The following SNX31 variants were observed in gnomAD, a reference collection of about 807,000 sequenced individuals.
SNX31 encodes the protein sorting nexin-31.
In SNX31, 58 loss-of-function variants were observed where a neutral mutation model predicts 65.4. The ratio of observed to expected loss-of-function variants is 0.89; its 90% confidence interval spans 0.72 to 1.10. The LOEUF (loss-of-function observed/expected upper bound fraction) is 1.10, where lower values mean the gene tolerates loss of function less well. Among genes scored for constraint, SNX31 ranks in the 50% least tolerant of loss-of-function variants. SNX31 has a pLI of 0.00. For synonymous variants in SNX31, 181 were observed against 190.1 expected (o/e 0.95, Z 0.39); for missense variants, 523 against 529.7 (o/e 0.99, Z 0.12).
chr8:100,649,572 C>A lies in SNX31; in HGVS notation c.-58G>T. The A allele has an allele frequency of 6.6e-7, 1 of 1,504,562 alleles. No homozygotes were observed. Among genetic ancestry groups the A allele is most frequent in the Non-Finnish European group, 9.0e-7 (1 of 1,108,808 alleles). 93.2% of individuals were successfully genotyped at this position (1,504,562 alleles called of 1,614,324 possible). A position where few individuals can be genotyped will look rare whatever the true frequency, so the allele number is the denominator to read the frequency against. ...ACCCGACCTGCGGCGGCGGGCGGTGCGCGGCTCTGAACTCGGCAGCGGTGG... is the reference window on the plus strand; with the variant it reads ...ACCCGACCTGCGGCGGCGGGCGGTGAGCGGCTCTGAACTCGGCAGCGGTGG... On this transcript the variant is annotated 5_prime_UTR_variant, in exon 1 of 14. Transcript: ENST00000311812.
rs1377299152 is a variant in SNX31 at position 100,594,283 on chromosome 8, G to A, written c.978+2356C>T. 1.4e-3 allele frequency among the ~76,000 whole-genome samples: 212 copies of A among 152,216 alleles called. 1 individual carries two copies. The highest frequency in any genetic ancestry group is 5.1e-4 in the Non-Finnish European group (35 of 68,002). On this transcript the variant is annotated intron_variant, in intron 10 of 13. Transcript: ENST00000311812. The surrounding 1 kb of genome is among the most constrained non-coding windows in gnomAD (Gnocchi z 4.0). ...TGCACCACTGCACTCCAGCCTGGGC[G>A]ACAGAGCAAGACTCTGTCTCAAAAC...
At chr8:100,608,170 T>G (rs1052740213) in intron 8 of SNX31, among the ~76,000 whole-genome samples, 1 of 152,250 alleles carries the variant, frequency 6.6e-6, no homozygotes, top group South Asian at 2.1e-4. Context: ...TGGTAAAATA[T>G]ATACAACGTA....
At position 100,625,767 on chromosome 8, in the gene SNX31, C is replaced by A. The variant is rs1818003639; in HGVS notation, c.321+4560G>T. The stretch of plus-strand genomic sequence containing the variant: ...CATAAGCTGCCTCAAAGCAGTTAAT[C>A]ACATGGTGCTCAGCCTGTCTGAGAG... On this transcript the variant is annotated intron_variant, in intron 4 of 13. Transcript: ENST00000311812. The surrounding 1 kb of genome is among the most constrained non-coding windows in gnomAD (Gnocchi z 4.2). Among the ~76,000 whole-genome samples, 1 of 152,160 alleles carries A rather than the reference C, an allele frequency of 6.6e-6. No homozygotes were observed. Among genetic ancestry groups the A allele is most frequent in the South Asian group, 2.1e-4 (1 of 4,824 alleles).
chr8:100,611,965 G>A lies in SNX31; in HGVS notation c.611+35C>T, dbSNP rs183916414. ...TCCTGATGGGCAATGGCGAAGTGTC[G>A]TCAAACGCCTCTGTCACTTTCAGAA... On this transcript the variant is annotated intron_variant, in intron 7 of 13. Transcript: ENST00000311812. 2.0e-5 allele frequency: 31 copies of A among 1,547,640 alleles called. No individual in the cohort carries two copies. In the Admixed American group the frequency reaches 2.0e-4, roughly 10 times the overall value.
At position 100,573,733 on chromosome 8, in the gene SNX31, C is replaced by T; in HGVS notation, c.*132G>A. 3.6e-6 allele frequency: 2 copies of T among 554,860 alleles called. No individual in the cohort carries two copies. 34.4% of individuals were successfully genotyped at this position (554,860 alleles called of 1,614,324 possible). On this transcript the variant is annotated 3_prime_UTR_variant, in exon 14 of 14. Transcript: ENST00000311812. The stretch of plus-strand genomic sequence containing the variant: ...GGTATAATACCTTGATGAATACAGT[C>T]CATGTTAATGCCAAAAAAATGGGAA...
At chr8:100,631,898 G>T (rs1184403537) in intron 3 of SNX31, among the ~76,000 whole-genome samples, 1 of 150,604 alleles carries the variant, frequency 6.6e-6, no homozygotes, top group Non-Finnish European at 1.5e-5. Context: ...GCTGAAAAAG[G>T]TATTCACCCA....
At position 100,588,714 on chromosome 8, in the gene SNX31, C is replaced by CAAAAT. The variant is rs1358997606; in HGVS notation, c.1092+147_1092+151dup. On this transcript the variant is annotated intron_variant, in intron 11 of 13. Transcript: ENST00000311812. The surrounding 1 kb of genome is among the most constrained non-coding windows in gnomAD (Gnocchi z 4.8). ...TAGTAAAATATAACAAAACATAAAA[C>CAAAAT]AAAATAAAAGGTATTACGGTCCCGA... 2 of 436,008 alleles carry CAAAAT rather than the reference C, an allele frequency of 4.6e-6. No homozygotes were observed. Among genetic ancestry groups the CAAAAT allele is most frequent in the East Asian group, 7.1e-5 (2 of 28,092 alleles). 27.0% of individuals were successfully genotyped at this position (436,008 alleles called of 1,614,324 possible). A position where few individuals can be genotyped will look rare whatever the true frequency, so the allele number is the denominator to read the frequency against.
intron 2 of SNX31, among the ~76,000 whole-genome samples, chr8:100,640,837 A>G (rs1415146766): frequency 6.6e-6 from 1 of 152,202 alleles, no homozygotes; most frequent in African/African-American, 2.4e-5. Flanking sequence ...GACAAGAGGA[A>G]CTTAAGGAGA....
chr8:100,573,853 T>C lies in SNX31; in HGVS notation c.*12A>G. The C allele has an allele frequency of 6.5e-7, 1 of 1,542,830 alleles. No individual in the cohort carries two copies. The highest frequency in any genetic ancestry group is 1.2e-5 in the South Asian group (1 of 84,518). On this transcript the variant is annotated 3_prime_UTR_variant, in exon 14 of 14. Transcript: ENST00000311812. ...TAGCCTCCAAGGATATTTTAAAATA[T>C]GAGAGCTTTCTTCAGAGATCTTCTT...
chr8:100,592,215 G>A (rs1814650160), intron 10 of SNX31, among the ~76,000 whole-genome samples: 1 of 152,074 alleles, frequency 6.6e-6, no homozygotes, highest in African/African-American at 2.4e-5. Context: ...AGCATGATAA[G>A]GAGAGAAATG....
At chr8:100,637,833 C>T (rs1414865098) in intron 2 of SNX31, among the ~76,000 whole-genome samples, 1 of 152,026 alleles carries the variant, frequency 6.6e-6, no homozygotes, top group African/African-American at 2.4e-5. Flanking sequence ...GTAGCTGGGA[C>T]TACAGGTGTG....
rs184710373 is a variant in SNX31 at position 100,594,717 on chromosome 8, A to G, written c.978+1922T>C. 2.3e-3 allele frequency among the ~76,000 whole-genome samples: 346 copies of G among 152,354 alleles called. 1 individual carries two copies. The highest frequency in any genetic ancestry group is 8.3e-3 in the South Asian group (40 of 4,834). On this transcript the variant is annotated intron_variant, in intron 10 of 13. Coordinates refer to ENST00000311812, the MANE Select transcript of SNX31 (RefSeq NM_152628.4). This position sits in a 1 kb window ranked among gnomAD's most constrained non-coding sequence, Gnocchi z 4.0. ...GGTGGGAATGTAAAATGATGTAGCCATTCTCAAAAACAATTCGGCAGTTTC... is the reference window on the plus strand; with the variant it reads ...GGTGGGAATGTAAAATGATGTAGCCGTTCTCAAAAACAATTCGGCAGTTTC...
chr8:100,584,158 T>C lies in SNX31; in HGVS notation c.1123A>G (p.Met375Val), dbSNP rs1169066291. 1.9e-6 allele frequency: 3 copies of C among 1,601,224 alleles called. No homozygotes were observed. The highest frequency in any genetic ancestry group is 2.6e-6 in the Non-Finnish European group (3 of 1,175,042). Residue 375 changes from methionine to valine, a missense_variant, in exon 12 of 14, where the codon ATG becomes GTG. Physicochemically the swap from Met to Val is conservative, Grantham distance 21. Transcript: ENST00000311812. The part of the protein sequence containing the change: ...AFLLSSCLKK[M>V]ISEKMVKLAA... ...AGCTTTACCATCTTTTCTGAGATCATCTTTTTCAAGCAGCTACTCAGCAAA... is the reference window on the plus strand; with the variant it reads ...AGCTTTACCATCTTTTCTGAGATCACCTTTTTCAAGCAGCTACTCAGCAAA...
chr8:100,582,120 C>G (rs1813607887), intron 12 of SNX31, among the ~76,000 whole-genome samples: 1 of 152,200 alleles, frequency 6.6e-6, no homozygotes, highest in Non-Finnish European at 1.5e-5. Context: ...GCTGATTTTG[C>G]TAACCTCAGA....
intron 2 of SNX31, among the ~76,000 whole-genome samples, chr8:100,639,572 G>A (rs1819012449): frequency 1.3e-5 from 2 of 150,832 alleles, no homozygotes; most frequent in Admixed American, 1.3e-4. Context: ...GATCCATGTG[G>A]TAATGCACTA....
chr8:100,644,574 G>A (rs1819497736), intron 2 of SNX31, among the ~76,000 whole-genome samples: 1 of 152,228 alleles, frequency 6.6e-6, no homozygotes, highest in Non-Finnish European at 1.5e-5. Flanking sequence ...CCTCACTGGG[G>A]ACAGGACTGC....
chr8:100,634,720 G>A (rs1338129121), intron 3 of SNX31, among the ~76,000 whole-genome samples: 1 of 150,412 alleles, frequency 6.6e-6, no homozygotes, highest in Non-Finnish European at 1.5e-5. Context: ...CTGCACTCCA[G>A]CCTGGGCGAC....
At chr8:100,658,873 G>T (rs1809716800) in intron 1 of SNX31, among the ~76,000 whole-genome samples, 1 of 152,200 alleles carries the variant, frequency 6.6e-6, no homozygotes. Flanking sequence ...ATCACTCCTG[G>T]TGGGACCTAC....
intron 8 of SNX31, among the ~76,000 whole-genome samples, chr8:100,607,150 G>C (rs576359795): frequency 1.3e-5 from 2 of 152,332 alleles, no homozygotes; most frequent in African/African-American, 4.8e-5. Flanking sequence ...TCTGGGAGGG[G>C]GTGGAGCAGG....
Sources: gnomAD v4.1 joint callset for allele counts (sites outside exome capture counted in the v4.1 genomes callset) on GRCh38, gnomAD v4.1.1 for gene constraint, Gnocchi (gnomAD v3.1) non-coding constraint, MANE v1.5 for transcripts, NCBI Gene and HGNC (gene_info 2026-07-23, HGNC 2026-07-21) for gene names.